Variants in PTPRG observed in about 807,000 individuals in gnomAD.
PTPRG encodes the protein receptor-type tyrosine-protein phosphatase gamma.
A neutral mutation model predicts 165.3 loss-of-function variants in PTPRG; 102 were observed. The ratio of observed to expected loss-of-function variants is 0.62; its 90% CI spans 0.53 to 0.73. The LOEUF is 0.73. Ranked by LOEUF, PTPRG falls within the 30% of genes least tolerant of loss-of-function variation. The pLI is 0.00. For missense variants in PTPRG, 1,866 were observed against 1,861.4 expected (o/e 1.00, Z -0.05); for synonymous variants, 675 against 669.5 (o/e 1.01, Z -0.13).
At chr3:61,818,887 G>T (rs968837646) in intron 2 of PTPRG, among the ~76,000 whole-genome samples, 2 of 123,370 alleles carry the variant, frequency 1.6e-5, no homozygotes, top group African/African-American at 3.4e-5. Flanking sequence ...TAGTGAAATA[G>T]TGAATAGTGA....
chr3:62,167,391 T>G (rs1382572427), intron 7 of PTPRG, among the ~76,000 whole-genome samples: 2 of 152,206 alleles, frequency 1.3e-5, no homozygotes, highest in Non-Finnish European at 2.9e-5. Context: ...TTTATGAAGC[T>G]CTTATGATAT....
chr3:62,076,782 T>C (rs936967756), intron 4 of PTPRG, among the ~76,000 whole-genome samples: 4 of 152,128 alleles, frequency 2.6e-5, no homozygotes. Context: ...GGTTTCTCCA[T>C]GTTGGTCAGG....
At chr3:61,900,796 TAAAA>T (rs1053830536) in intron 2 of PTPRG, among the ~76,000 whole-genome samples, 1 of 148,070 alleles carries the variant, frequency 6.8e-6, no homozygotes, top group Non-Finnish European at 1.5e-5. Context: ...GTACTGTAGT[TAAAA>T]AAAAAAATCG....
chr3:61,782,787 G>A (rs1024448752), intron 2 of PTPRG, among the ~76,000 whole-genome samples: 1 of 152,014 alleles, frequency 6.6e-6, no homozygotes, highest in Non-Finnish European at 1.5e-5. Context: ...GATGAGTATC[G>A]TGTTTTGTTT....
intron 8 of PTPRG, among the ~76,000 whole-genome samples, chr3:62,183,479 G>T (rs1294971981): frequency 2.6e-5 from 4 of 151,474 alleles, no homozygotes; most frequent in Middle Eastern, 3.4e-3. Flanking sequence ...CATGAGAATT[G>T]CTTGAATCCA....
rs544447280 is a variant in PTPRG at position 62,218,881 on chromosome 3, G to A, written c.2186G>A (p.Arg729His). The A allele has an allele frequency of 9.3e-6, 15 of 1,613,736 alleles. No individual in the cohort carries two copies. The highest frequency in any genetic ancestry group is 2.7e-5 in the African/African-American group (2 of 74,916). The change falls in exon 13 of 30, where the codon CGC becomes CAC. Residue 729 changes from arginine (R) to histidine (H), a missense_variant. Physicochemically the swap from Arg to His is conservative, Grantham distance 29 (BLOSUM62 0). Coordinates refer to ENST00000474889, the MANE Select transcript of PTPRG (RefSeq NM_002841.4). ...AAAAACACCTCTGGAATGATAAGCC[G>A]CCCTGCTCCAGGGAGGATGGAGTGG... ...AEKNTSGMIS[R>H]PAPGRMEWII... is the part of the protein sequence containing the mutation.
chr3:62,112,228 C>T (rs1184059075), intron 5 of PTPRG, among the ~76,000 whole-genome samples: 2 of 152,118 alleles, frequency 1.3e-5, no homozygotes, highest in South Asian at 4.1e-4. Flanking sequence ...CCTCAGCCTC[C>T]TGAGTAGCTG....
At chr3:61,608,306 A>G (rs1701069689) in intron 1 of PTPRG, among the ~76,000 whole-genome samples, 1 of 152,234 alleles carries the variant, frequency 6.6e-6, no homozygotes, top group Non-Finnish European at 1.5e-5. Flanking sequence ...GCAGTTGGGT[A>G]GAAGCCAGAC....
At chr3:61,930,245 A>G (rs887432060) in intron 2 of PTPRG, among the ~76,000 whole-genome samples, 1 of 152,194 alleles carries the variant, frequency 6.6e-6, no homozygotes, top group South Asian at 2.1e-4. Flanking sequence ...GGAAGATTTG[A>G]ATATAAAAGA....
At chr3:61,733,900 C>T (rs961788434) in intron 1 of PTPRG, among the ~76,000 whole-genome samples, 22 of 152,142 alleles carry the variant, frequency 1.4e-4, no homozygotes, top group African/African-American at 4.8e-4. Flanking sequence ...CAGGCTCAAG[C>T]GGTCCTCACA....
At chr3:62,225,636 A>G (rs1241049684) in intron 13 of PTPRG, among the ~76,000 whole-genome samples, 1 of 151,550 alleles carries the variant, frequency 6.6e-6, no homozygotes, top group Non-Finnish European at 1.5e-5. Flanking sequence ...TTGTATATCT[A>G]AAGGTTCTTA....
intron 2 of PTPRG, among the ~76,000 whole-genome samples, chr3:61,879,997 A>T (rs2037841916): frequency 6.6e-6 from 1 of 152,230 alleles, no homozygotes; most frequent in African/African-American, 2.4e-5. Context: ...TTCACTTCAA[A>T]AATGACCTAG....
At chr3:61,877,837 G>C (rs116794848) in intron 2 of PTPRG, among the ~76,000 whole-genome samples, 1,768 of 152,268 alleles carry the variant, frequency 0.012, 37 homozygotes, top group African/African-American at 0.04. Context: ...TTGGGTTAGC[G>C]ACCTTTCAGA....
chr3:61,659,898 G>T (rs1702611042), intron 1 of PTPRG, among the ~76,000 whole-genome samples: 1 of 152,132 alleles, frequency 6.6e-6, no homozygotes, highest in Non-Finnish European at 1.5e-5. Context: ...GGGGGAATGT[G>T]GCTATGGTGG....
In PTPRG at chr3:61,562,541, G is replaced by A. The variant is rs377577172; in HGVS notation, c.85+169G>A. Among the ~76,000 whole-genome samples, 14 of 148,466 alleles carry A rather than the reference G, an allele frequency of 9.4e-5. 1 individual carries two copies. The highest frequency in any genetic ancestry group is 2.0e-4 in the African/African-American group (8 of 40,156). ...GGATTGCTCCGCTGGCTTGGATGAT[G>A]TTTAGGGAGGCAGGCTAGTGGTCGA... On this transcript the variant is annotated intron_variant, in intron 1 of 29. Coordinates refer to ENST00000474889, the MANE Select transcript of PTPRG (RefSeq NM_002841.4).
intron 1 of PTPRG, among the ~76,000 whole-genome samples, chr3:61,674,554 A>G (rs1230045306): frequency 2.0e-5 from 3 of 146,624 alleles, no homozygotes; most frequent in African/African-American, 7.5e-5. Context: ...AAAAGGTGGG[A>G]GGTAGGAGAC....
At chr3:61,699,113 A>G (rs973146021) in intron 1 of PTPRG, among the ~76,000 whole-genome samples, 3 of 152,210 alleles carry the variant, frequency 2.0e-5, no homozygotes, top group East Asian at 3.8e-4. Context: ...TGGCACATGT[A>G]TACATATGTA....
At chr3:62,041,774 G>A (rs1700138421) in intron 4 of PTPRG, among the ~76,000 whole-genome samples, 1 of 152,126 alleles carries the variant, frequency 6.6e-6, no homozygotes, top group Non-Finnish European at 1.5e-5. Context: ...GGAGATGACA[G>A]TCATAGTGAT....
Position 61,883,795 on chromosome 3 carries a change from C to T in PTPRG, c.191-105830C>T, listed in dbSNP as rs138519163. Among the ~76,000 whole-genome samples, 1,086 of 152,286 alleles carry T rather than the reference C, an allele frequency of 7.1e-3. 8 individuals carry two copies. The highest frequency in any genetic ancestry group is 0.025 in the African/African-American group (1,043 of 41,544). On this transcript the variant is annotated intron_variant, in intron 2 of 29. Coordinates refer to ENST00000474889, the MANE Select transcript of PTPRG (RefSeq NM_002841.4). ...GCACAATCACAGCGCACTGTAGCCC[C>T]TACCTCTCAGGCTTAAGCAATCCTC...
Sources: allele counts gnomAD v4.1 joint callset (sites outside exome capture counted in the v4.1 genomes callset), GRCh38; gene constraint gnomAD v4.1.1; transcripts MANE v1.5; gene names NCBI Gene and HGNC (gene_info 2026-07-23, HGNC 2026-07-21).